Variants in SIGLEC12 observed in about 807,000 individuals in gnomAD.
SIGLEC12 encodes sialic acid-binding Ig-like lectin 12.
SIGLEC12 carries 43 observed loss-of-function variants against 54.1 expected under a neutral mutation model. The observed-to-expected ratio is 0.80, with a 90% CI of 0.62 to 1.03. The LOEUF is 1.03. SIGLEC12 is among the 50% of genes least tolerant of loss of function. SIGLEC12 has a pLI of 0.00. For synonymous variants in SIGLEC12, 357 were observed against 307.6 expected, an observed-to-expected ratio of 1.16 and a Z score of -1.68; for missense variants, 802 against 735.2, an observed-to-expected ratio of 1.09 and a Z score of -1.05.
intron 7 of SIGLEC12, among the ~76,000 whole-genome samples, chr19:51,494,539 G>A (rs773146028): frequency 7.9e-5 from 12 of 152,280 alleles, no homozygotes; most frequent in Non-Finnish European, 1.0e-4. Flanking sequence ...TAGCCACTGT[G>A]GAAAACAGTA....
In SIGLEC12 at chr19:51,495,035, A is replaced by G. The variant is rs147411748; in HGVS notation, c.1599+1845T>C. ...ATGTGGAGTTTCAGTTTTGCAAGAT[A>G]AAAGGGTTCTAGAGATCTAGCACAA... On this transcript the variant is annotated intron_variant, in intron 7 of 7. Transcript: ENST00000291707. Among the ~76,000 whole-genome samples the G allele has an allele frequency of 1.2e-3, 186 of 152,252 alleles. 1 individual carries two copies. The Middle Eastern group carries it at 0.048, about 39-fold the overall frequency.
Position 51,496,621 on chromosome 19 carries a change from C to T in SIGLEC12, c.1599+259G>A, listed in dbSNP as rs73575432. The stretch of plus-strand genomic sequence containing the variant: ...GAAGCAGACAGTGATGGCTGTGGAA[C>T]GTCCCTCCAGGCCGGGAAGGGGAGG... On this transcript the variant is annotated intron_variant, in intron 7 of 7. Coordinates refer to ENST00000291707, the MANE Select transcript of SIGLEC12 (RefSeq NM_053003.4). 8.1e-3 allele frequency among the ~76,000 whole-genome samples: 1,237 copies of T among 152,174 alleles called. 21 individuals are homozygous for T. Among genetic ancestry groups the T allele is most frequent in the African/African-American group, 0.028 (1,183 of 41,520 alleles).
At chr19:51,491,934 T>A (rs1990114713) in intron 7 of SIGLEC12, 105 bp from the exon 8 acceptor site, 2 of 847,958 alleles carry the variant, frequency 2.4e-6, no homozygotes, top group African/African-American at 3.4e-5. Flanking sequence ...ATTCATCCCA[T>A]GTGCACTTTG....
chr19:51,499,929 G>A lies in SIGLEC12; in HGVS notation c.799C>T (p.His267Tyr), dbSNP rs200529118. The A allele has an allele frequency of 6.2e-7, 1 of 1,609,908 alleles. No homozygotes were observed. Among genetic ancestry groups the A allele is most frequent in the Admixed American group, 1.7e-5 (1 of 59,886 alleles). ...AGAGCCAGAGATTTACCTGTCACAT[G>A]CACAGAGAGCTTGTCATATATGTAG... ...WNYIYDKLSV[H>Y]VTALTHMPTF... The change falls in exon 2 of 8, where the codon CAT (histidine) becomes TAT (tyrosine). Residue 267 changes from histidine to tyrosine, a missense_variant. His to Tyr is a moderately conservative substitution (Grantham distance 83). Transcript: ENST00000291707.
chr19:51,494,075 T>G (rs529491903), intron 7 of SIGLEC12, among the ~76,000 whole-genome samples: 20 of 152,328 alleles, frequency 1.3e-4, no homozygotes, highest in South Asian at 6.2e-4. Flanking sequence ...AGCCTCACCC[T>G]GTTCTTCCCT....
In SIGLEC12 at chr19:51,499,639, G is replaced by A. The variant is rs1201721478; in HGVS notation, c.886C>T (p.Pro296Ser). 2 of 1,614,106 alleles carry A rather than the reference G, an allele frequency of 1.2e-6. No homozygotes were observed. The highest frequency in any genetic ancestry group is 1.7e-6 in the Non-Finnish European group (2 of 1,179,990). ...GGCGTCCCCTGTTCACAGGCCCAGG[G>A]CACAGAGCAGGTCAGGTTCCTGGGG... The part of the protein sequence containing the change: ...GHPRNLTCSV[P>S]WACEQGTPPT... The change falls in exon 3 of 8, where the codon CCC (proline) becomes TCC (serine). Residue 296 changes from proline to serine, a missense_variant. Physicochemically the swap from Pro to Ser is moderately conservative, Grantham distance 74. Transcript: ENST00000291707.
intron 7 of SIGLEC12, among the ~76,000 whole-genome samples, chr19:51,495,036 A>G (rs2122207826): frequency 6.6e-6 from 1 of 152,260 alleles, no homozygotes; most frequent in South Asian, 2.1e-4. Context: ...TTGCAAGATA[A>G]AAGGGTTCTA....
chr19:51,501,482 T>TGCTCGAGCTGGGTTGCA lies in SIGLEC12; in HGVS notation c.251_252insTGCAACCCAGCTCGAGC (p.Val85AlafsTer28). ...ATCGGTCCCGAGTCTCCTCCTGCACTGCTCGAGCTGGGTTGTTTGTGGCCA... is the reference window on the plus strand; with the variant it reads ...ATCGGTCCCGAGTCTCCTCCTGCACTGCTCGAGCTGGGTTGCAGCTCGAGCTGGGTTGTTTGTGGCCA... On this transcript the variant is annotated frameshift_variant, in exon 1 of 8. Coordinates refer to ENST00000291707, the MANE Select transcript of SIGLEC12 (RefSeq NM_053003.4). LOFTEE classifies it high-confidence loss of function. The TGCTCGAGCTGGGTTGCA allele has an allele frequency of 6.2e-7, 1 of 1,613,964 alleles. No individual in the cohort carries two copies. Among genetic ancestry groups the TGCTCGAGCTGGGTTGCA allele is most frequent in the African/African-American group, 1.3e-5 (1 of 75,030 alleles).
In SIGLEC12 at chr19:51,496,004, C is replaced by T. The variant is rs534726158; in HGVS notation, c.1599+876G>A. Among the ~76,000 whole-genome samples, 39 of 152,242 alleles carry T rather than the reference C, an allele frequency of 2.6e-4. 1 individual carries two copies. Among genetic ancestry groups the T allele is most frequent in the Middle Eastern group, 3.4e-3 (1 of 294 alleles). ...TGTTGGTGATGACACTGGAGTCCAG[C>T]GTTGATGGAGCATGGAGCAGAGGCA... On this transcript the variant is annotated intron_variant, in intron 7 of 7. Transcript: ENST00000291707.
rs867613383 is a variant in SIGLEC12, at chr19:51,498,202, G to C, written c.1221C>G (p.Pro407=). 2 of 1,614,200 alleles carry C rather than the reference G, an allele frequency of 1.2e-6. No individual in the cohort carries two copies. Among genetic ancestry groups the C allele is most frequent in the African/African-American group, 2.7e-5 (2 of 75,068 alleles). ...CCCAGGTCCAGCTCAGCCTGGCAGG[G>C]GGATTGCTGTCGACAGCACAGACAA... is the stretch of plus-strand genomic sequence containing the variant. ...LHLVCAVDSN[P]PARLSWTWGS... is the part of the protein sequence containing the mutation. The change falls in exon 5 of 8, where the codon CCC becomes CCG. Residue 407 remains proline, a synonymous_variant. Transcript: ENST00000291707.
rs199644309 is a variant in SIGLEC12 at position 51,500,223 on chromosome 19, C to G, written c.505G>C (p.Val169Leu). 4.5e-5 allele frequency: 72 copies of G among 1,614,060 alleles called. 1 individual carries two copies. The South Asian group carries it at 7.7e-4, about 17-fold the overall frequency. Residue 169 changes from valine to leucine, a missense_variant, in exon 2 of 8, where the codon GTG (valine) becomes CTG (leucine). Physicochemically the swap from Val to Leu is conservative, Grantham distance 32. Coordinates refer to ENST00000291707, the MANE Select transcript of SIGLEC12 (RefSeq NM_053003.4). ...TGGGGGTAAAGGACACTGCAGGGCA[C>G]AGAGACACACAGACCCTCCTGCACA... is the stretch of plus-strand genomic sequence containing the variant. ...VTVQEGLCVS[V>L]PCSVLYPHYN...
intron 1 of SIGLEC12, 130 bp from the exon 2 acceptor site, chr19:51,500,430 G>A (rs1283763832): frequency 2.8e-5 from 43 of 1,546,072 alleles, no homozygotes; most frequent in Non-Finnish European, 3.6e-5. Context: ...GGAGGGAGAG[G>A]AGGGGCAGGG....
rs569481270 is a variant in SIGLEC12, at chr19:51,500,485, C to T, written c.428-185G>A. On this transcript the variant is annotated intron_variant, in intron 1 of 7. Transcript: ENST00000291707. Reference sequence around the variant, plus strand: ...CTGGAGAGGAGCTGGAGACCTCAGCCCTGCATGGAAGAGAAACTGCAAACC... The same window carrying T: ...CTGGAGAGGAGCTGGAGACCTCAGCTCTGCATGGAAGAGAAACTGCAAACC... 6.9e-5 allele frequency: 70 copies of T among 1,009,134 alleles called. No homozygotes were observed. In the South Asian group the frequency reaches 1.0e-3, roughly 15 times the overall value. 62.5% of individuals were successfully genotyped at this position (1,009,134 alleles called of 1,614,324 possible).
intron 4 of SIGLEC12, 98 bp downstream of exon 4, chr19:51,499,072 C>T: frequency 2.3e-6 from 3 of 1,326,254 alleles, no homozygotes; most frequent in South Asian, 1.2e-5. Flanking sequence ...GGCCGGGGCT[C>T]ACCCACAAAA....
At chr19:51,499,279 C>G in intron 3 of SIGLEC12, 62 bp from the exon 4 acceptor site, 1 of 1,597,226 alleles carries the variant, frequency 6.3e-7, no homozygotes, top group South Asian at 1.1e-5. Flanking sequence ...ACCCTGTCTC[C>G]CCAGGAGCCC....
At position 51,495,397 on chromosome 19, in the gene SIGLEC12, ATGGG is replaced by A. The variant is rs779173080; in HGVS notation, c.1599+1479_1599+1482del. 8.7e-4 allele frequency among the ~76,000 whole-genome samples: 45 copies of A among 51,852 alleles called. 3 individuals are homozygous for A. Among genetic ancestry groups the A allele is most frequent in the Middle Eastern group, 0.017 (1 of 58 alleles). The allele number at this position is 51,852 out of a possible 152,430, so 34.0% of individuals were successfully genotyped here. ...GATGGATGGATGGATGGATGGATGG[ATGGG>A]TGGGTGGGTGGGTGGATGGATGGAT... On this transcript the variant is annotated intron_variant, in intron 7 of 7. Coordinates refer to ENST00000291707, the MANE Select transcript of SIGLEC12 (RefSeq NM_053003.4).
At chr19:51,495,278 T>C (rs1192944239) in intron 7 of SIGLEC12, among the ~76,000 whole-genome samples, 2 of 116,700 alleles carry the variant, frequency 1.7e-5, no homozygotes, top group East Asian at 2.8e-4. Context: ...GATGGATGGA[T>C]GGATGGATGG....
Position 51,500,189 on chromosome 19 carries a change from C to T in SIGLEC12, c.539G>A (p.Trp180Ter), listed in dbSNP as rs1165283465. ...TCCATAAACAGGGCTAGAGGCAGTC[C>T]AGTTGTAATGGGGGTAAAGGACACT... ...PCSVLYPHYNWTASSPVYGSW... is the reference protein window; with the variant it reads ...PCSVLYPHYN Residue 180 changes from tryptophan (W) to a stop codon, truncating the protein, a stop_gained, in exon 2 of 8, where the codon TGG (tryptophan) becomes TAG (stop). Coordinates refer to ENST00000291707, the MANE Select transcript of SIGLEC12 (RefSeq NM_053003.4). LOFTEE classifies it high-confidence loss of function. The T allele has an allele frequency of 6.2e-7, 1 of 1,614,144 alleles. No individual in the cohort carries two copies. The highest frequency in any genetic ancestry group is 1.7e-5 in the Admixed American group (1 of 60,022).
At chr19:51,496,828 C>T (rs926446392) in intron 7 of SIGLEC12, 52 bp downstream of exon 7, 1 of 1,595,818 alleles carries the variant, frequency 6.3e-7, no homozygotes, top group African/African-American at 1.3e-5. Context: ...CCCTTCCATG[C>T]CTGGCCTGGG....
Sources: allele counts gnomAD v4.1 joint callset (sites outside exome capture counted in the v4.1 genomes callset), GRCh38; gene constraint gnomAD v4.1.1; transcripts MANE v1.5; gene names NCBI Gene and HGNC (gene_info 2026-07-23, HGNC 2026-07-21).